TMEM187: variants seen among roughly 807,000 people sequenced by gnomAD.
TMEM187 encodes the protein chromosome X open reading frame 12.
Under a neutral mutation model 11.8 loss-of-function variants are expected in TMEM187, and 14 were observed. The observed-to-expected ratio is 1.18, with a 90% CI of 0.78 to 1.85. TMEM187 has a LOEUF of 1.85. Among genes scored for constraint, TMEM187 ranks in the 40% most tolerant of loss-of-function variants. TMEM187 has a pLI of 0.00. For synonymous variants in TMEM187, 112 were observed against 118.5 expected, an observed-to-expected ratio of 0.95 and a Z score of 0.36; for missense variants, 227 against 243.9, an observed-to-expected ratio of 0.93 and a Z score of 0.46.
Position 153,981,859 on chromosome X carries a change from A to T in TMEM187, c.-204A>T. The T allele has an allele frequency of 1.6e-6, 1 of 633,634 alleles. No individual in the cohort carries two copies. Among genetic ancestry groups the T allele is most frequent in the Non-Finnish European group, 2.4e-6 (1 of 417,830 alleles). The allele number at this position is 633,634 out of a possible 1,213,427, so 52.2% of individuals were successfully genotyped here. A position where few individuals can be genotyped will look rare whatever the true frequency, so the allele number is the denominator to read the frequency against. Reference sequence around the variant, plus strand: ...TTTTGTAACCACAAAGGAAAAAGGCAGAACGTTCCTCCGCTGGCGCCAGCC... The same window carrying T: ...TTTTGTAACCACAAAGGAAAAAGGCTGAACGTTCCTCCGCTGGCGCCAGCC... On this transcript the variant is annotated 5_prime_UTR_variant, in exon 2 of 2. Coordinates refer to ENST00000369982, the MANE Select transcript of TMEM187 (RefSeq NM_003492.3).
chrX:153,975,629 CTTTTTTT>C (rs58423366), intron 1 of TMEM187, among the ~76,000 whole-genome samples: 4 of 16,651 alleles, frequency 2.4e-4, no homozygotes, highest in Admixed American at 2.6e-3. Context: ...CACACCCAGC[CTTTTTTT>C]TTTTTTTTTT....
chrX:153,977,399 G>C (rs1225403729), intron 1 of TMEM187, among the ~76,000 whole-genome samples: 1 of 111,127 alleles, frequency 9.0e-6, no homozygotes, highest in African/African-American at 3.3e-5. Flanking sequence ...CAGATCAGTT[G>C]AGGTCAGGAG....
In TMEM187 at chrX:153,982,102, G is replaced by A. The variant is rs111977445; in HGVS notation, c.40G>A (p.Val14Met). The A allele has an allele frequency of 4.6e-5, 56 of 1,211,774 alleles. 1 individual carries two copies. The highest frequency in any genetic ancestry group is 4.1e-4 in the African/African-American group (24 of 57,832). Residue 14 changes from valine (V) to methionine (M), a missense_variant, in exon 2 of 2, where the codon GTG becomes ATG. Val to Met is a conservative substitution (Grantham distance 21). Transcript: ENST00000369982. ...EWGQAFVHVA[V>M]AGGLCAVAVF... ...GGGGCAGGCCTTCGTGCACGTGGCCGTGGCCGGTGGCCTCTGTGCCGTGGC... is the reference window on the plus strand; with the variant it reads ...GGGGCAGGCCTTCGTGCACGTGGCCATGGCCGGTGGCCTCTGTGCCGTGGC...
chrX:153,979,077 C>T (rs1286864495), intron 1 of TMEM187, among the ~76,000 whole-genome samples: 8 of 112,034 alleles, frequency 7.1e-5, no homozygotes, highest in East Asian at 2.8e-4. Flanking sequence ...CGTGAGCCAC[C>T]GTGCCCGGCC....
In TMEM187 at chrX:153,982,265, G is replaced by A. The variant is rs782790890; in HGVS notation, c.203G>A (p.Gly68Glu). 1 of 1,212,027 alleles carries A rather than the reference G, an allele frequency of 8.3e-7. No individual in the cohort carries two copies. The highest frequency in any genetic ancestry group is 2.2e-5 in the Admixed American group (1 of 46,143). ...SLVNMAYTLL[G>E]LSWLHRGGAM... ...GTGAACATGGCCTACACGCTGCTGG[G>A]GCTGTCGTGGCTGCACAGGGGCGGC... Residue 68 changes from glycine (G) to glutamate (E), a missense_variant, in exon 2 of 2, where the codon GGG becomes GAG. Physicochemically the swap from Gly to Glu is moderately conservative, Grantham distance 98. Transcript: ENST00000369982.
chrX:153,978,890 A>G (rs1219222118), intron 1 of TMEM187, among the ~76,000 whole-genome samples: 4 of 105,166 alleles, frequency 3.8e-5, no homozygotes, highest in Admixed American at 1.0e-4. Flanking sequence ...GGGTTCAAGC[A>G]ATTCTCCCGT....
intron 1 of TMEM187, among the ~76,000 whole-genome samples, chrX:153,978,777 G>T (rs1242991944): frequency 9.7e-6 from 1 of 102,565 alleles, no homozygotes; most frequent in Non-Finnish European, 2.0e-5. Flanking sequence ...GTTTTGTTTT[G>T]TTTTGTTTTG....
In TMEM187 at chrX:153,982,467, C is replaced by T. The variant is rs374376099; in HGVS notation, c.405C>T (p.Arg135=). The change falls in exon 2 of 2, where the codon CGC becomes CGT. Residue 135 remains arginine (R), a synonymous_variant. Transcript: ENST00000369982. ...WPVAWCLYLD[R]GWRPWLFLSL... ...TGGCCTGGTGCCTCTACCTAGACCG[C>T]GGCTGGCGGCCCTGGCTGTTCCTCT... The T allele has an allele frequency of 1.2e-5, 15 of 1,202,028 alleles. No individual in the cohort carries two copies. The African/African-American group carries it at 1.4e-4, about 11-fold the overall frequency.
chrX:153,975,629 CTTTTTTTT>C (rs58423366), intron 1 of TMEM187, among the ~76,000 whole-genome samples: 2 of 16,651 alleles, frequency 1.2e-4, no homozygotes, highest in African/African-American at 3.8e-4. Context: ...CACACCCAGC[CTTTTTTTT>C]TTTTTTTTTT....
chrX:153,973,236 A>G (rs1449103165), intron 1 of TMEM187, among the ~76,000 whole-genome samples: 2 of 112,694 alleles, frequency 1.8e-5, no homozygotes, highest in African/African-American at 6.4e-5. Flanking sequence ...CACATTTTCA[A>G]CAATATTTTT....
At position 153,983,056 on chromosome X, in the gene TMEM187, G is replaced by C; in HGVS notation, c.*208G>C. 1 of 710,499 alleles carries C rather than the reference G, an allele frequency of 1.4e-6. No homozygotes were observed. Among genetic ancestry groups the C allele is most frequent in the Non-Finnish European group, 2.1e-6 (1 of 474,911 alleles). 58.6% of individuals were successfully genotyped at this position (710,499 alleles called of 1,213,427 possible). On this transcript the variant is annotated 3_prime_UTR_variant, in exon 2 of 2. Transcript: ENST00000369982. Reference sequence around the variant, plus strand: ...CTTACTTTCAAAGACATAAAGCACAGATCTCCGCACAGGGGATGTGTGTGT... The same window carrying C: ...CTTACTTTCAAAGACATAAAGCACACATCTCCGCACAGGGGATGTGTGTGT...
chrX:153,980,885 C>G (rs972775374), intron 1 of TMEM187, among the ~76,000 whole-genome samples: 4 of 105,883 alleles, frequency 3.8e-5, no homozygotes, highest in African/African-American at 1.4e-4. Context: ...TGCCACTGCA[C>G]TCTAGCCTGG....
rs782467036 is a variant in TMEM187 at position 153,982,096 on chromosome X, G to C, written c.34G>C (p.Val12Leu). 119 of 1,211,720 alleles carry C rather than the reference G, an allele frequency of 9.8e-5. No individual in the cohort carries two copies. Among genetic ancestry groups the C allele is most frequent in the Non-Finnish European group, 1.2e-4 (104 of 895,568 alleles). ...AGAGTGGGGGCAGGCCTTCGTGCAC[G>C]TGGCCGTGGCCGGTGGCCTCTGTGC... ...NPEWGQAFVH[V>L]AVAGGLCAVA... is the part of the protein sequence containing the mutation. The change falls in exon 2 of 2, where the codon GTG becomes CTG. Residue 12 changes from valine to leucine, a missense_variant. Val to Leu is a conservative substitution (Grantham distance 32). Coordinates refer to ENST00000369982, the MANE Select transcript of TMEM187 (RefSeq NM_003492.3).
At chrX:153,978,032 A>G (rs1242839665) in intron 1 of TMEM187, among the ~76,000 whole-genome samples, 4 of 107,794 alleles carry the variant, frequency 3.7e-5, no homozygotes, top group Non-Finnish European at 7.7e-5. Flanking sequence ...CCTGACCAAG[A>G]TGGTGAAACC....
At chrX:153,976,935 A>G (rs1161299357) in intron 1 of TMEM187, among the ~76,000 whole-genome samples, 2 of 112,998 alleles carry the variant, frequency 1.8e-5, no homozygotes, top group African/African-American at 6.4e-5. Flanking sequence ...CGTTATGTTA[A>G]GTGAAATAAG....
chrX:153,982,416 C>A lies in TMEM187; in HGVS notation c.354C>A (p.Leu118=), dbSNP rs782414882. The A allele has an allele frequency of 1.1e-5, 13 of 1,201,155 alleles. No homozygotes were observed. The highest frequency in any genetic ancestry group is 1.3e-5 in the Non-Finnish European group (12 of 893,560). The change falls in exon 2 of 2, where the codon CTC becomes CTA. Residue 118 remains leucine (L), a synonymous_variant. Coordinates refer to ENST00000369982, the MANE Select transcript of TMEM187 (RefSeq NM_003492.3). ...GTGCCGCGGTGCTGGACCAGTGGCT[C>A]ACACTGCCCATCTTTGCATGGCCCG... is the stretch of plus-strand genomic sequence containing the variant. ...WRRAAVLDQW[L]TLPIFAWPVA...
At chrX:153,977,431 A>G (rs987646781) in intron 1 of TMEM187, among the ~76,000 whole-genome samples, 2 of 110,009 alleles carry the variant, frequency 1.8e-5, no homozygotes, top group Admixed American at 9.7e-5. Context: ...CCCAGCCGAT[A>G]TGGCAAAATC....
In TMEM187 at chrX:153,983,191, G is replaced by C; in HGVS notation, c.*343G>C. On this transcript the variant is annotated 3_prime_UTR_variant, in exon 2 of 2. Coordinates refer to ENST00000369982, the MANE Select transcript of TMEM187 (RefSeq NM_003492.3). ...AGCCCCTCATGCTCATGGTTGGACA[G>C]AGAGCGATCGTCTGGAGTATCTTTG... 3.3e-6 allele frequency: 1 copy of C among 305,113 alleles called. No homozygotes were observed. 25.1% of individuals were successfully genotyped at this position (305,113 alleles called of 1,213,427 possible). A position where few individuals can be genotyped will look rare whatever the true frequency, so the allele number is the denominator to read the frequency against.
chrX:153,978,086 T>C (rs1357711391), intron 1 of TMEM187, among the ~76,000 whole-genome samples: 1 of 90,810 alleles, frequency 1.1e-5, no homozygotes, highest in African/African-American at 4.1e-5. Flanking sequence ...CTAATTTTAG[T>C]TGTAATCCCA....
Sources: gnomAD v4.1 joint callset for allele counts (sites outside exome capture counted in the v4.1 genomes callset) on GRCh38, gnomAD v4.1.1 for gene constraint, MANE v1.5 for transcripts, NCBI Gene and HGNC (gene_info 2026-07-23, HGNC 2026-07-21) for gene names.